Variants in TBL1XR1 observed in about 807,000 individuals in gnomAD.
TBL1XR1 encodes the protein F-box-like/WD repeat-containing protein TBL1XR1.
A neutral mutation model predicts 66.9 loss-of-function variants in TBL1XR1; 5 were observed. The ratio of observed to expected loss-of-function variants is 0.07; its 90% CI spans 0.04 to 0.16. The LOEUF is 0.16. Among genes scored for constraint, TBL1XR1 ranks in the 10% least tolerant of loss-of-function variants. TBL1XR1 has a pLI of 1.00. For missense variants in TBL1XR1, 238 were observed against 623.2 expected, an observed-to-expected ratio of 0.38 and a Z score of 6.58; for synonymous variants, 210 against 206.0, an observed-to-expected ratio of 1.02 and a Z score of -0.17.
At chr3:177,115,117 C>T (rs894621369) in intron 1 of TBL1XR1, among the ~76,000 whole-genome samples, 2 of 152,126 alleles carry the variant, frequency 1.3e-5, no homozygotes, top group Admixed American at 1.3e-4. Context: ...CAGTAAGGAT[C>T]TTGGGCCCCC....
At chr3:177,078,275 CAT>C (rs1320351658) in intron 2 of TBL1XR1, among the ~76,000 whole-genome samples, 2 of 152,094 alleles carry the variant, frequency 1.3e-5, no homozygotes, top group East Asian at 3.8e-4. Context: ...AATAATAAAA[CAT>C]AGCTCTCATG....
At chr3:177,197,967 TTCCCCAAGGACGCCGCGGGC>T (rs1156326121), upstream of TBL1XR1, among the ~76,000 whole-genome samples, 2 of 150,162 alleles carry the variant, frequency 1.3e-5, no homozygotes, top group African/African-American at 4.9e-5. Context: ...CCGGCGAAGT[TTCCCCAAGGACGCCGCGGGC>T]TCCCGCGTGT....
intron 1 of TBL1XR1, among the ~76,000 whole-genome samples, chr3:177,163,277 C>A (rs1196365684): frequency 1.3e-5 from 2 of 152,188 alleles, no homozygotes; most frequent in East Asian, 3.9e-4. Context: ...GAGGCCAAGG[C>A]GGGCAGATCA....
intron 2 of TBL1XR1, among the ~76,000 whole-genome samples, chr3:177,073,482 A>G (rs1474598859): frequency 1.3e-5 from 2 of 152,192 alleles, no homozygotes; most frequent in East Asian, 3.8e-4. Context: ...GCATCTACTA[A>G]CTCTAAAACA....
chr3:177,100,381 A>C (rs1560174882), intron 1 of TBL1XR1, among the ~76,000 whole-genome samples: 2 of 152,226 alleles, frequency 1.3e-5, no homozygotes, highest in Non-Finnish European at 2.9e-5. Flanking sequence ...TAAAGGTACA[A>C]CTTAATTGTA....
intron 2 of TBL1XR1, among the ~76,000 whole-genome samples, chr3:177,087,254 G>A (rs1019944666): frequency 2.6e-5 from 4 of 151,534 alleles, no homozygotes; most frequent in Admixed American, 6.6e-5. Context: ...TAATCAAAAT[G>A]GTTTTTGGCA....
At chr3:177,169,654 T>TAC (rs1267739035) in intron 1 of TBL1XR1, among the ~76,000 whole-genome samples, 1 of 152,178 alleles carries the variant, frequency 6.6e-6, no homozygotes, top group African/African-American at 2.4e-5. Flanking sequence ...CCAAAGGTAA[T>TAC]ACACAAGACA....
chr3:177,025,714 C>A (rs926595727), intron 15 of TBL1XR1, among the ~76,000 whole-genome samples, 190 bp from the exon 16 acceptor site: 1 of 152,068 alleles, frequency 6.6e-6, no homozygotes, highest in Non-Finnish European at 1.5e-5. Flanking sequence ...ATCAAGAGAA[C>A]AACCATGAGC....
chr3:177,050,337 T>C (rs1185171346), intron 6 of TBL1XR1, 141 bp downstream of exon 6: 2 of 1,265,562 alleles, frequency 1.6e-6, no homozygotes, highest in Non-Finnish European at 2.1e-6. Flanking sequence ...ATTCTACAAT[T>C]ACTTCATGAA....
chr3:177,156,734 C>G (rs997051827), intron 1 of TBL1XR1, among the ~76,000 whole-genome samples: 8 of 151,978 alleles, frequency 5.3e-5, no homozygotes, highest in Non-Finnish European at 1.0e-4. Context: ...GAAGTAAAAA[C>G]TAAAACACAA....
chr3:177,053,581 A>C (rs1474070973), intron 4 of TBL1XR1, among the ~76,000 whole-genome samples, 192 bp downstream of exon 4: 1 of 152,240 alleles, frequency 6.6e-6, no homozygotes, highest in Non-Finnish European at 1.5e-5. Context: ...AACAAACTAC[A>C]GATAATGGTC....
At chr3:177,064,752 C>G (rs1246835368) in intron 3 of TBL1XR1, among the ~76,000 whole-genome samples, 168 bp downstream of exon 3, 1 of 152,096 alleles carries the variant, frequency 6.6e-6, no homozygotes, top group Non-Finnish European at 1.5e-5. Flanking sequence ...TTGAAAGAGT[C>G]AGAGAGTTAA....
chr3:177,189,664 A>AAAAAAAAAAAAAAAAATTTC (rs57549428), intron 1 of TBL1XR1, among the ~76,000 whole-genome samples: 7 of 141,878 alleles, frequency 4.9e-5, no homozygotes, highest in African/African-American at 1.6e-4. Context: ...AAAAAAAAAA[A>AAAAAAAAAAAAAAAAATTTC]AGAAGGATGT....
At chr3:177,114,299 T>G (rs1353565144) in intron 1 of TBL1XR1, among the ~76,000 whole-genome samples, 2 of 151,538 alleles carry the variant, frequency 1.3e-5, no homozygotes, top group Non-Finnish European at 2.9e-5. Context: ...TATGGATACA[T>G]ATATATGATA....
chr3:177,112,958 A>C (rs1725837259), intron 1 of TBL1XR1, among the ~76,000 whole-genome samples: 1 of 152,024 alleles, frequency 6.6e-6, no homozygotes, highest in African/African-American at 2.4e-5. Context: ...GGTTGCTGTG[A>C]GCAGAGATCG....
intron 2 of TBL1XR1, among the ~76,000 whole-genome samples, chr3:177,083,733 T>C (rs1052089377): frequency 2.0e-5 from 3 of 152,224 alleles, no homozygotes; most frequent in Admixed American, 6.5e-5. Context: ...AGTATACTTC[T>C]GTAAATACTG....
intron 1 of TBL1XR1, among the ~76,000 whole-genome samples, chr3:177,148,458 G>T (rs1730499952): frequency 6.6e-6 from 1 of 152,236 alleles, no homozygotes; most frequent in Non-Finnish European, 1.5e-5. Context: ...GCTCACGCCT[G>T]TAATGCCAGC....
At chr3:177,104,392 A>G (rs1164853181) in intron 1 of TBL1XR1, among the ~76,000 whole-genome samples, 1 of 152,216 alleles carries the variant, frequency 6.6e-6, no homozygotes, top group African/African-American at 2.4e-5. Context: ...GTTATCTCCA[A>G]CAACATACTA....
At chr3:177,033,912 T>C (rs545632212) in intron 13 of TBL1XR1, among the ~76,000 whole-genome samples, 2 of 152,112 alleles carry the variant, frequency 1.3e-5, no homozygotes, top group Admixed American at 1.3e-4. Flanking sequence ...TATAATGAAC[T>C]TTGTGGACTG....
Sources: gnomAD v4.1 joint callset for allele counts (sites outside exome capture counted in the v4.1 genomes callset) on GRCh38, gnomAD v4.1.1 for gene constraint, MANE v1.5 for transcripts, NCBI Gene and HGNC (gene_info 2026-07-23, HGNC 2026-07-21) for gene names.